The following GPC5 variants were observed in gnomAD, a reference collection of about 807,000 sequenced individuals.
The protein encoded by GPC5 is glypican-5.
A neutral mutation model predicts 53.9 loss-of-function variants in GPC5; 47 were observed. That is an observed-to-expected ratio of 0.87 (90% CI 0.69 to 1.11). The LOEUF is 1.11. Ranked by LOEUF, GPC5 falls within the 50% of genes most tolerant of loss-of-function variation. The pLI, the probability that GPC5 is intolerant of heterozygous loss-of-function variation, is 0.00. For synonymous variants in GPC5, 286 were observed against 263.3 expected (o/e 1.09, Z -0.84); for missense variants, 748 against 713.1 (o/e 1.05, Z -0.56).
rs192847096 is a variant in GPC5, at chr13:91,813,438, C to T, written c.1280+57018C>T. ...AGCCATGCATTGGGCTGCCAAGTCT[C>T]AAATTCTTGTTTAGAATGACAGTGA... On this transcript the variant is annotated intron_variant, in intron 5 of 7. Transcript: ENST00000377067. Among the ~76,000 whole-genome samples the T allele has an allele frequency of 1.9e-3, 282 of 152,340 alleles. 2 individuals carry two copies. The Middle Eastern group carries it at 0.037, about 20-fold the overall frequency.
chr13:92,324,386 C>T (rs773367448), intron 7 of GPC5, among the ~76,000 whole-genome samples: 3 of 151,940 alleles, frequency 2.0e-5, no homozygotes, highest in Admixed American at 1.3e-4. Context: ...GACAAAATGA[C>T]GTGCATGGTG....
At chr13:92,081,023 G>GT (rs2041290749) in intron 6 of GPC5, among the ~76,000 whole-genome samples, 1 of 152,116 alleles carries the variant, frequency 6.6e-6, no homozygotes, top group Non-Finnish European at 1.5e-5. Flanking sequence ...GAATTGCTCT[G>GT]TTTTTTCTTT....
At chr13:91,705,175 C>A (rs1389487311) in intron 3 of GPC5, among the ~76,000 whole-genome samples, 1 of 152,164 alleles carries the variant, frequency 6.6e-6, no homozygotes, top group East Asian at 1.9e-4. Context: ...AATGTGTAGT[C>A]TAACTGTGGG....
intron 2 of GPC5, among the ~76,000 whole-genome samples, chr13:91,484,808 T>C (rs1274443345): frequency 1.3e-5 from 2 of 152,214 alleles, no homozygotes; most frequent in Non-Finnish European, 2.9e-5. Context: ...TGTACCCTAA[T>C]TGAGAACCCA....
Position 91,809,556 on chromosome 13 carries a change from T to C in GPC5, c.1280+53136T>C, listed in dbSNP as rs187024569. ...GAAAAGTTATATATATAATCAACTG[T>C]CAGCTCAGATGAATTTCTCAGCTAT... On this transcript the variant is annotated intron_variant, in intron 5 of 7. Transcript: ENST00000377067. Among the ~76,000 whole-genome samples, 366 of 152,252 alleles carry C rather than the reference T, an allele frequency of 2.4e-3. 2 individuals are homozygous for C. Among genetic ancestry groups the C allele is most frequent in the African/African-American group, 8.3e-3 (346 of 41,570 alleles).
At chr13:91,895,280 T>C (rs2039429603) in intron 5 of GPC5, among the ~76,000 whole-genome samples, 1 of 152,116 alleles carries the variant, frequency 6.6e-6, no homozygotes, top group Non-Finnish European at 1.5e-5. Flanking sequence ...TAATATAAAA[T>C]AATGTTTATT....
intron 7 of GPC5, among the ~76,000 whole-genome samples, chr13:92,178,532 T>A (rs1266324012): frequency 6.6e-6 from 1 of 151,170 alleles, no homozygotes; most frequent in East Asian, 1.9e-4. Flanking sequence ...TTGTATAGTG[T>A]TTGTATATTA....
intron 6 of GPC5, among the ~76,000 whole-genome samples, chr13:92,046,788 A>C (rs1332305173): frequency 2.6e-5 from 4 of 152,196 alleles, no homozygotes; most frequent in African/African-American, 9.6e-5. Context: ...AAGGACAAAA[A>C]CACACTTGTA....
At chr13:92,432,526 C>G (rs887164340) in intron 7 of GPC5, among the ~76,000 whole-genome samples, 10 of 150,558 alleles carry the variant, frequency 6.6e-5, no homozygotes, top group Non-Finnish European at 1.5e-4. Flanking sequence ...AGGCACCCAC[C>G]ACCACGCCCG....
intron 7 of GPC5, among the ~76,000 whole-genome samples, chr13:92,755,656 C>T (rs1252390749): frequency 8.6e-5 from 12 of 139,066 alleles, no homozygotes; most frequent in South Asian, 2.5e-4. Context: ...ATATCACCAC[C>T]GATCCCACAG....
intron 7 of GPC5, among the ~76,000 whole-genome samples, chr13:92,249,559 A>G (rs1240998393): frequency 6.6e-6 from 1 of 151,896 alleles, no homozygotes. Flanking sequence ...ATGTTTTCCT[A>G]CTGTCACTTT....
chr13:92,797,921 C>G (rs1309224909), intron 7 of GPC5, among the ~76,000 whole-genome samples: 1 of 151,622 alleles, frequency 6.6e-6, no homozygotes, highest in Non-Finnish European at 1.5e-5. Flanking sequence ...TGGATAGATA[C>G]AGTTCATAGA....
rs899796949 is a variant in GPC5 at position 91,485,899 on chromosome 13, G to T, written c.325+36977G>T. The T allele has an allele frequency of 2.6e-5, 4 of 152,200 alleles. No individual in the cohort carries two copies. In the East Asian group the frequency reaches 5.8e-4, roughly 22 times the overall value. 9.4% of individuals were successfully genotyped at this position (152,200 alleles called of 1,614,324 possible). ...TTGGTTTGATTGATTATGGATTTCTGCATTCCAAGGGAAGTTACTTTATTA... is the reference window on the plus strand; with the variant it reads ...TTGGTTTGATTGATTATGGATTTCTTCATTCCAAGGGAAGTTACTTTATTA... On this transcript the variant is annotated intron_variant, in intron 2 of 7. Coordinates refer to ENST00000377067, the MANE Select transcript of GPC5 (RefSeq NM_004466.6).
At chr13:91,566,092 T>A (rs2031512384) in intron 2 of GPC5, among the ~76,000 whole-genome samples, 2 of 152,160 alleles carry the variant, frequency 1.3e-5, no homozygotes, top group Admixed American at 1.3e-4. Context: ...TAATTACATG[T>A]GCAAAGACCT....
chr13:92,041,842 T>C (rs2040944263), intron 6 of GPC5, among the ~76,000 whole-genome samples: 1 of 152,228 alleles, frequency 6.6e-6, no homozygotes. Context: ...AGGAGTCTTG[T>C]ACAAAAGCCT....
chr13:92,270,886 A>G (rs2042835016), intron 7 of GPC5, among the ~76,000 whole-genome samples: 1 of 152,306 alleles, frequency 6.6e-6, no homozygotes, highest in African/African-American at 2.4e-5. Flanking sequence ...ATGCTTATAT[A>G]ATACATAATC....
chr13:92,795,588 A>G (rs1876644044), intron 7 of GPC5, among the ~76,000 whole-genome samples: 1 of 152,188 alleles, frequency 6.6e-6, no homozygotes, highest in Non-Finnish European at 1.5e-5. Flanking sequence ...CAGAGTGAAC[A>G]GGCAACCTAC....
intron 7 of GPC5, among the ~76,000 whole-genome samples, chr13:92,715,094 T>C (rs989324084): frequency 2.0e-5 from 3 of 152,148 alleles, no homozygotes; most frequent in African/African-American, 7.2e-5. Context: ...TTAAGCAACA[T>C]AGTAACTTTA....
At chr13:92,347,216 A>G (rs1017770990) in intron 7 of GPC5, among the ~76,000 whole-genome samples, 3 of 152,200 alleles carry the variant, frequency 2.0e-5, no homozygotes, top group Non-Finnish European at 4.4e-5. Context: ...ACTCAAATAC[A>G]ACTGAAAGAG....
Sources: gnomAD v4.1 joint callset for allele counts (sites outside exome capture counted in the v4.1 genomes callset) on GRCh38, gnomAD v4.1.1 for gene constraint, MANE v1.5 for transcripts, NCBI Gene and HGNC (gene_info 2026-07-23, HGNC 2026-07-21) for gene names.